Variants in NTRK3 observed in about 807,000 individuals in gnomAD.
NTRK3 encodes the protein neurotrophic receptor tyrosine kinase 3.
Under a neutral mutation model 91.7 loss-of-function variants are expected in NTRK3, and 24 were observed. That is an observed-to-expected ratio of 0.26 (90% CI 0.19 to 0.37). The LOEUF is 0.37. Among genes scored for constraint, NTRK3 ranks in the 10% least tolerant of loss-of-function variants. NTRK3 has a pLI of 1.00. For synonymous variants in NTRK3, 483 were observed against 404.0 expected (o/e 1.20, Z -2.34); for missense variants, 880 against 1,068.9 (o/e 0.82, Z 2.46).
intron 13 of NTRK3, among the ~76,000 whole-genome samples, chr15:88,044,947 C>G (rs2080038145): frequency 6.6e-6 from 1 of 152,206 alleles, no homozygotes. Context: ...CCTGCGGGAC[C>G]ACAGGCCCTA....
At chr15:88,012,291 C>G (rs763534782) in intron 14 of NTRK3, among the ~76,000 whole-genome samples, 16 of 152,136 alleles carry the variant, frequency 1.1e-4, no homozygotes, top group Non-Finnish European at 2.2e-4. Flanking sequence ...ATAAGGGAAA[C>G]GTATTAACAC....
rs946994229 is a variant in NTRK3, at chr15:88,028,824, T to C, written c.1585+4033A>G. 6.7e-4 allele frequency among the ~76,000 whole-genome samples: 102 copies of C among 152,218 alleles called. 1 individual carries two copies. The highest frequency in any genetic ancestry group is 2.3e-3 in the African/African-American group (97 of 41,546). On this transcript the variant is annotated intron_variant, in intron 14 of 18. Transcript: ENST00000394480. The stretch of plus-strand genomic sequence containing the variant: ...GAAAAGGATGAACAGAGAACCCTGT[T>C]CATCCTTAAGATTAACCAAGAAGCC...
At chr15:88,195,938 G>T (rs765320435) in intron 3 of NTRK3, among the ~76,000 whole-genome samples, 17 of 152,218 alleles carry the variant, frequency 1.1e-4, no homozygotes, top group Non-Finnish European at 2.2e-4. Context: ...AATATGAAAT[G>T]GCCAGGCCAC....
chr15:87,996,646 T>C (rs1174100687), intron 14 of NTRK3, among the ~76,000 whole-genome samples: 1 of 152,196 alleles, frequency 6.6e-6, no homozygotes, highest in Admixed American at 6.5e-5. Context: ...AGTGTGGCAA[T>C]GCTTGAACTA....
At chr15:88,224,358 C>T (rs1014708589) in intron 3 of NTRK3, among the ~76,000 whole-genome samples, 3 of 152,190 alleles carry the variant, frequency 2.0e-5, no homozygotes, top group Non-Finnish European at 4.4e-5. Context: ...CGCTATTTCC[C>T]AGCATGAGAA....
At chr15:87,860,367 A>G (rs1432016963) in exon 19 of NTRK3, 1 of 219,728 alleles carries the variant, frequency 4.6e-6, no homozygotes, top group African/African-American at 2.3e-5. Context: ...GGTTGGGGAG[A>G]AAGGAAGGGT....
At chr15:88,144,871 G>C (rs1206915980) in intron 6 of NTRK3, among the ~76,000 whole-genome samples, 2 of 152,174 alleles carry the variant, frequency 1.3e-5, no homozygotes, top group Non-Finnish European at 2.9e-5. Flanking sequence ...TGGGCGAGGG[G>C]CTGGTTGGGG....
chr15:88,098,444 G>A (rs561486621), intron 13 of NTRK3: 5 of 196,014 alleles, frequency 2.6e-5, no homozygotes, highest in South Asian at 1.9e-4. Flanking sequence ...CAAGCCACTC[G>A]TGGAGCTTCA....
intron 17 of NTRK3, among the ~76,000 whole-genome samples, chr15:87,902,481 C>G (rs1280870412): frequency 3.9e-5 from 6 of 152,148 alleles, no homozygotes; most frequent in Non-Finnish European, 8.8e-5. Context: ...TCTCTAAGAT[C>G]ATGGTCTTGG....
At chr15:88,238,328 A>G (rs1208839706) in intron 3 of NTRK3, among the ~76,000 whole-genome samples, 2 of 152,214 alleles carry the variant, frequency 1.3e-5, no homozygotes, top group African/African-American at 4.8e-5. Flanking sequence ...TAATCTTTTT[A>G]TCGCTTAGGG....
chr15:87,922,179 C>T (rs1489744484), intron 17 of NTRK3, among the ~76,000 whole-genome samples: 1 of 152,130 alleles, frequency 6.6e-6, no homozygotes, highest in Non-Finnish European at 1.5e-5. Context: ...TCTCACAGAC[C>T]ACTGGCTCTC....
intron 3 of NTRK3, among the ~76,000 whole-genome samples, chr15:88,232,092 C>T (rs1598085501): frequency 6.6e-6 from 1 of 152,292 alleles, no homozygotes; most frequent in East Asian, 1.9e-4. Flanking sequence ...TGCTCCCTAC[C>T]TCCAGGTGAT....
At chr15:88,098,746 G>A (rs1008524023) in intron 13 of NTRK3, 3 of 232,720 alleles carry the variant, frequency 1.3e-5, no homozygotes, top group Non-Finnish European at 2.5e-5. Context: ...AGAAAAGGAT[G>A]GGGAGGAGCA....
intron 14 of NTRK3, among the ~76,000 whole-genome samples, chr15:87,993,494 A>C (rs777066257): frequency 9.2e-5 from 14 of 152,222 alleles, no homozygotes; most frequent in Non-Finnish European, 2.1e-4. Context: ...CCCATTGTAC[A>C]TCAGTAGAGA....
At chr15:88,181,179 C>A (rs763243996) in intron 5 of NTRK3, among the ~76,000 whole-genome samples, 1 of 152,202 alleles carries the variant, frequency 6.6e-6, no homozygotes, top group Non-Finnish European at 1.5e-5. Context: ...TTGGCAAGAG[C>A]TGGCCAATGT....
chr15:87,897,157 C>T (rs550477403), intron 17 of NTRK3, among the ~76,000 whole-genome samples: 3 of 152,232 alleles, frequency 2.0e-5, no homozygotes, highest in South Asian at 2.1e-4. Flanking sequence ...AGCCGTTTAG[C>T]AGTGTGAGCC....
At chr15:87,868,732 T>A (rs1270382823) in exon 19 of NTRK3, 1 of 221,534 alleles carries the variant, frequency 4.5e-6, no homozygotes. Context: ...AATGTGGAAT[T>A]ATAGAGTGAG....
chr15:88,223,453 G>C (rs981762210), intron 3 of NTRK3, among the ~76,000 whole-genome samples: 3 of 152,260 alleles, frequency 2.0e-5, no homozygotes, highest in Admixed American at 2.0e-4. Context: ...AGAAGGCAAA[G>C]GCCGTGGGCA....
chr15:88,034,216 G>A (rs1215228818), intron 13 of NTRK3, among the ~76,000 whole-genome samples: 1 of 152,176 alleles, frequency 6.6e-6, no homozygotes, highest in Non-Finnish European at 1.5e-5. Flanking sequence ...TAACGAAGCT[G>A]CATCATGATC....
Sources: allele counts gnomAD v4.1 joint callset (sites outside exome capture counted in the v4.1 genomes callset), GRCh38; gene constraint gnomAD v4.1.1; transcripts MANE v1.5; gene names NCBI Gene and HGNC (gene_info 2026-07-23, HGNC 2026-07-21).